LARGE1: variants seen among roughly 807,000 people sequenced by gnomAD.
LARGE1 encodes xylosyl- and glucuronyltransferase LARGE1.
In LARGE1, 43 loss-of-function variants were observed where a neutral mutation model predicts 87.6. That is an observed-to-expected ratio of 0.49 (90% CI 0.38 to 0.63). The LOEUF (loss-of-function observed/expected upper bound fraction) is 0.63. LARGE1 is among the 30% of genes least tolerant of loss of function. The pLI, the probability that LARGE1 is intolerant of heterozygous loss-of-function variation, is 0.00. For synonymous variants in LARGE1, 434 were observed against 394.6 expected (o/e 1.10, Z -1.18); for missense variants, 802 against 1,000.2 (o/e 0.80, Z 2.67).
At chr22:33,820,241 G>A (rs1217014667) in intron 1 of LARGE1, among the ~76,000 whole-genome samples, 1 of 152,048 alleles carries the variant, frequency 6.6e-6, no homozygotes, top group Non-Finnish European at 1.5e-5. Context: ...TCTGACATAA[G>A]GCCTGACAAT....
the LARGE1 span, among the ~76,000 whole-genome samples, chr22:33,082,220 C>A: frequency 1.3e-5 from 2 of 152,112 alleles, no homozygotes; most frequent in African/African-American, 4.8e-5. Context: ...GCCTTTATTA[C>A]TCCCAGCAGA....
chr22:33,747,615 TCAA>T, intron 2 of LARGE1: 1 of 152,262 alleles, frequency 6.6e-6, no homozygotes, highest in Admixed American at 6.5e-5. Context: ...GTTGCACTTA[TCAA>T]CACTCAGCAG....
chr22:33,742,360 A>C (rs1316027633), intron 2 of LARGE1, among the ~76,000 whole-genome samples: 1 of 152,220 alleles, frequency 6.6e-6, no homozygotes, highest in Non-Finnish European at 1.5e-5. Flanking sequence ...TCATGTGATG[A>C]TGTAGCTGTT....
chr22:33,457,046 C>T (rs1462027472), intron 6 of LARGE1, among the ~76,000 whole-genome samples: 7 of 152,066 alleles, frequency 4.6e-5, no homozygotes, highest in African/African-American at 1.2e-4. Context: ...ATGGTAGTCA[C>T]TTGTATAGCA....
intron 4 of LARGE1, among the ~76,000 whole-genome samples, chr22:33,619,691 C>G (rs2079686881): frequency 6.6e-6 from 1 of 152,078 alleles, no homozygotes; most frequent in South Asian, 2.1e-4. Flanking sequence ...CTCACTGAGA[C>G]CTTGAGCCAC....
At chr22:33,880,281 C>T (rs12106531) in intron 1 of LARGE1, among the ~76,000 whole-genome samples, 8,806 of 152,164 alleles carry the variant, frequency 0.058, 861 homozygotes, top group African/African-American at 0.2. Context: ...TCAGATCAGA[C>T]GAAAGAAAGG....
intron 1 of LARGE1, among the ~76,000 whole-genome samples, chr22:33,797,344 T>C (rs903947002): frequency 1.3e-5 from 2 of 152,188 alleles, no homozygotes; most frequent in African/African-American, 4.8e-5. Context: ...TATTTTCTCC[T>C]CTTTCTTCTT....
intron 2 of LARGE1, among the ~76,000 whole-genome samples, chr22:33,687,271 A>G (rs1373236426): frequency 6.6e-6 from 1 of 151,424 alleles, no homozygotes; most frequent in Non-Finnish European, 1.5e-5. Flanking sequence ...TTAGGATTAC[A>G]GGCGTGTGCC....
At chr22:33,397,330 G>T (rs1400443659) in intron 7 of LARGE1, among the ~76,000 whole-genome samples, 1 of 152,116 alleles carries the variant, frequency 6.6e-6, no homozygotes, top group African/African-American at 2.4e-5. Context: ...GGTCAGGCTG[G>T]TCTCGAACTC....
At chr22:33,527,735 T>C (rs910753464) in intron 6 of LARGE1, among the ~76,000 whole-genome samples, 1 of 152,006 alleles carries the variant, frequency 6.6e-6, no homozygotes, top group Non-Finnish European at 1.5e-5. Flanking sequence ...GACTGGCCCC[T>C]TGACCAGAAC....
At chr22:33,394,206 T>C (rs1210599817) in intron 7 of LARGE1, among the ~76,000 whole-genome samples, 1 of 150,604 alleles carries the variant, frequency 6.6e-6, no homozygotes, top group Non-Finnish European at 1.5e-5. Flanking sequence ...TTCTTTTTTT[T>C]TTTTTTTTTT....
the LARGE1 span, among the ~76,000 whole-genome samples, chr22:33,132,072 T>C: frequency 6.6e-6 from 1 of 151,862 alleles, no homozygotes. Context: ...TCCACCAGGT[T>C]CCTCCCATGA....
intron 6 of LARGE1, among the ~76,000 whole-genome samples, chr22:33,532,928 A>G (rs867379548): frequency 1.3e-5 from 2 of 152,254 alleles, no homozygotes; most frequent in South Asian, 4.1e-4. Flanking sequence ...GCCAGTACAG[A>G]GCAAGACACG....
chr22:33,796,438 C>A (rs2018743), intron 1 of LARGE1, among the ~76,000 whole-genome samples: 137,593 of 152,246 alleles, frequency 0.9, 62,271 homozygotes, highest in East Asian at 0.97. Flanking sequence ...AAGCCACTAG[C>A]GAAATGAACC....
At chr22:33,106,492 C>G in the LARGE1 span, among the ~76,000 whole-genome samples, 14 of 146,778 alleles carry the variant, frequency 9.5e-5, no homozygotes, top group African/African-American at 3.2e-4. Context: ...TTTCGCCATT[C>G]CTTTTTTTTT....
chr22:33,159,769 A>G (rs1441404605), downstream of LARGE1, among the ~76,000 whole-genome samples: 3 of 151,708 alleles, frequency 2.0e-5, no homozygotes, highest in Non-Finnish European at 4.4e-5. Flanking sequence ...TATTTTTTTT[A>G]GTAGAGACGG....
chr22:33,534,360 C>T (rs1384183754), intron 6 of LARGE1, among the ~76,000 whole-genome samples: 1 of 151,590 alleles, frequency 6.6e-6, no homozygotes, highest in Non-Finnish European at 1.5e-5. Flanking sequence ...GCGGAGAACA[C>T]GCCACTGCAC....
At chr22:33,479,046 G>A (rs1020739178) in intron 6 of LARGE1, among the ~76,000 whole-genome samples, 4 of 152,138 alleles carry the variant, frequency 2.6e-5, no homozygotes, top group Admixed American at 6.5e-5. Flanking sequence ...GGTAGCAAGT[G>A]GCATCCTTTT....
At chr22:33,824,227 C>G (rs529371164) in intron 1 of LARGE1, among the ~76,000 whole-genome samples, 3 of 152,270 alleles carry the variant, frequency 2.0e-5, no homozygotes, top group Non-Finnish European at 4.4e-5. Flanking sequence ...TAAGAACTAC[C>G]TGAGACTGGG....
Sources: gnomAD v4.1 joint callset for allele counts (sites outside exome capture counted in the v4.1 genomes callset) on GRCh38, gnomAD v4.1.1 for gene constraint, MANE v1.5 for transcripts, NCBI Gene and HGNC (gene_info 2026-07-23, HGNC 2026-07-21) for gene names.